CADM2: variants seen among roughly 807,000 people sequenced by gnomAD.
CADM2 encodes the protein immunoglobulin superfamily member 4D.
Under a neutral mutation model 49.8 loss-of-function variants are expected in CADM2, and 12 were observed. The observed-to-expected ratio is 0.24, with a 90% confidence interval of 0.15 to 0.39. CADM2 has a LOEUF of 0.39. CADM2 is among the 10% of genes least tolerant of loss of function. CADM2 has a pLI of 1.00. For missense variants in CADM2, 378 were observed against 492.3 expected (o/e 0.77, Z 2.20); for synonymous variants, 214 against 175.4 (o/e 1.22, Z -1.74).
chr3:85,833,660 G>T (rs764859162), intron 3 of CADM2, among the ~76,000 whole-genome samples: 1 of 151,454 alleles, frequency 6.6e-6, no homozygotes, highest in East Asian at 1.9e-4. Flanking sequence ...GTGTATTCTT[G>T]GTGCCCTTGT....
chr3:85,151,344 T>A (rs2039918068), intron 1 of CADM2, among the ~76,000 whole-genome samples: 1 of 152,174 alleles, frequency 6.6e-6, no homozygotes, highest in African/African-American at 2.4e-5. Flanking sequence ...ACTTCTGCTT[T>A]TACTTACTTG....
intron 5 of CADM2, among the ~76,000 whole-genome samples, chr3:85,895,868 TCTGTGAGGC>T (rs1358954875): frequency 3.9e-5 from 6 of 152,166 alleles, no homozygotes; most frequent in Non-Finnish European, 8.8e-5. Context: ...TCTTTTGCTT[TCTGTGAGGC>T]CTCCCCAGCC....
chr3:85,153,163 A>G (rs565935983), intron 1 of CADM2, among the ~76,000 whole-genome samples: 20 of 152,198 alleles, frequency 1.3e-4, no homozygotes, highest in African/African-American at 1.9e-4. Context: ...CTGCATTTCC[A>G]TCAGAGGTAC....
At chr3:85,963,345 C>A (rs949688788) in intron 8 of CADM2, among the ~76,000 whole-genome samples, 4 of 151,896 alleles carry the variant, frequency 2.6e-5, no homozygotes, top group Non-Finnish European at 5.9e-5. Flanking sequence ...ATGTGGTAAT[C>A]CCTGTAGACA....
chr3:86,036,975 T>G (rs1307389153), intron 8 of CADM2, among the ~76,000 whole-genome samples: 1 of 152,178 alleles, frequency 6.6e-6, no homozygotes, highest in African/African-American at 2.4e-5. Context: ...CTGGTGCTTT[T>G]ATTCTGCATT....
chr3:85,959,138 C>A (rs1281415406), intron 7 of CADM2, among the ~76,000 whole-genome samples: 1 of 115,046 alleles, frequency 8.7e-6, no homozygotes, highest in Non-Finnish European at 1.7e-5. Flanking sequence ...AGCTGTATAT[C>A]TTTATCTATC....
intron 1 of CADM2, among the ~76,000 whole-genome samples, chr3:85,042,907 T>C (rs1276270033): frequency 6.6e-6 from 1 of 152,142 alleles, no homozygotes; most frequent in East Asian, 1.9e-4. Context: ...ACAAATGTTA[T>C]TCATTTGTAC....
intron 2 of CADM2, among the ~76,000 whole-genome samples, chr3:85,749,719 T>G (rs374473712): frequency 2.6e-5 from 4 of 152,150 alleles, no homozygotes; most frequent in East Asian, 1.9e-4. Context: ...CAGAATATTT[T>G]CATATGCAGA....
chr3:86,044,426 A>G (rs1736372352), intron 8 of CADM2, among the ~76,000 whole-genome samples: 1 of 152,222 alleles, frequency 6.6e-6, no homozygotes, highest in Non-Finnish European at 1.5e-5. Flanking sequence ...TTCTCAAAAG[A>G]AGACATTTAT....
chr3:85,401,172 G>A (rs1009216414), intron 1 of CADM2, among the ~76,000 whole-genome samples: 8 of 152,106 alleles, frequency 5.3e-5, no homozygotes, highest in Non-Finnish European at 1.2e-4. Flanking sequence ...CCACACTCAT[G>A]GGGGGACCTG....
intron 6 of CADM2, among the ~76,000 whole-genome samples, 190 bp from the exon 7 acceptor site, chr3:85,935,577 C>T (rs1721106814): frequency 6.6e-6 from 1 of 151,948 alleles, no homozygotes; most frequent in Non-Finnish European, 1.5e-5. Context: ...TTTTTGTTAG[C>T]TTTGCATGGA....
chr3:85,187,867 C>A (rs1380185129), intron 1 of CADM2, among the ~76,000 whole-genome samples: 1 of 151,512 alleles, frequency 6.6e-6, no homozygotes, highest in East Asian at 1.9e-4. Flanking sequence ...TTCAACATAC[C>A]TGAATTTGTG....
chr3:85,369,212 A>T (rs1239669980), intron 1 of CADM2, among the ~76,000 whole-genome samples: 2 of 152,228 alleles, frequency 1.3e-5, no homozygotes, highest in Admixed American at 1.3e-4. Flanking sequence ...AGGATTAATG[A>T]TGGCGAATTG....
chr3:86,023,356 G>T (rs1733444846), intron 8 of CADM2, among the ~76,000 whole-genome samples: 1 of 125,896 alleles, frequency 7.9e-6, no homozygotes. Flanking sequence ...GAGGTTTTTT[G>T]TTTGTTTGTT....
At position 86,069,494 on chromosome 3, in the gene CADM2, T is replaced by C. The variant is rs1739652627; in HGVS notation, c.*2711T>C. 6.6e-6 allele frequency: 1 copy of C among 152,050 alleles called. No homozygotes were observed. Among genetic ancestry groups the C allele is most frequent in the Non-Finnish European group, 1.5e-5 (1 of 67,918 alleles). The allele number at this position is 152,050 out of a possible 1,614,324, so 9.4% of individuals were successfully genotyped here. A position where few individuals can be genotyped will look rare whatever the true frequency, so the allele number is the denominator to read the frequency against. ...CATATTTTCATACCTTTAAAAATTA[T>C]TTAATTTTCAACCAAACAAAAAATA... On this transcript the variant is annotated 3_prime_UTR_variant, in exon 10 of 10. Coordinates refer to ENST00000383699, the MANE Select transcript of CADM2 (RefSeq NM_001167675.2).
intron 1 of CADM2, among the ~76,000 whole-genome samples, chr3:85,320,966 A>G (rs552823882): frequency 1.5e-4 from 22 of 149,846 alleles, no homozygotes; most frequent in African/African-American, 5.4e-4. Flanking sequence ...CCACTATAAT[A>G]TTTTTCTAAT....
At chr3:84,973,954 A>T (rs1425292823) in intron 1 of CADM2, among the ~76,000 whole-genome samples, 1 of 152,182 alleles carries the variant, frequency 6.6e-6, no homozygotes, top group Non-Finnish European at 1.5e-5. Flanking sequence ...TGAAGAATAC[A>T]TGGGGATACC....
intron 1 of CADM2, among the ~76,000 whole-genome samples, chr3:85,052,111 C>T (rs984318693): frequency 6.6e-6 from 1 of 152,098 alleles, no homozygotes; most frequent in Non-Finnish European, 1.5e-5. Flanking sequence ...ACAATACTTT[C>T]CCTCATTCCA....
At chr3:84,990,134 A>G (rs1315985543) in intron 1 of CADM2, among the ~76,000 whole-genome samples, 1 of 151,758 alleles carries the variant, frequency 6.6e-6, no homozygotes, top group African/African-American at 2.4e-5. Flanking sequence ...GATTTCAAGA[A>G]TATAATTCTA....
Sources: allele counts gnomAD v4.1 joint callset (sites outside exome capture counted in the v4.1 genomes callset), GRCh38; gene constraint gnomAD v4.1.1; transcripts MANE v1.5; gene names NCBI Gene and HGNC (gene_info 2026-07-23, HGNC 2026-07-21).